The following SLC12A6 variants were observed in gnomAD, a reference collection of about 807,000 sequenced individuals.
SLC12A6 encodes K-Cl cotransporter 3.
A neutral mutation model predicts 135.3 loss-of-function variants in SLC12A6; 66 were observed. The ratio of observed to expected loss-of-function variants is 0.49; its 90% CI spans 0.40 to 0.60. The LOEUF (loss-of-function observed/expected upper bound fraction) is 0.60, where lower values mean the gene tolerates loss of function less well. Among genes scored for constraint, SLC12A6 ranks in the 20% least tolerant of loss-of-function variants. The probability of loss-of-function intolerance (pLI) is 0.00; values close to 1 mark genes in which losing one functional copy is unlikely to be tolerated. For missense variants in SLC12A6, 1,058 were observed against 1,452.3 expected, an observed-to-expected ratio of 0.73 and a Z score of 4.41; for synonymous variants, 513 against 508.8, an observed-to-expected ratio of 1.01 and a Z score of -0.11.
intron 2 of SLC12A6, among the ~76,000 whole-genome samples, chr15:34,305,360 G>A (rs536563708): frequency 5.3e-5 from 8 of 150,506 alleles, no homozygotes; most frequent in Non-Finnish European, 8.9e-5. Context: ...GTCCTGAATC[G>A]ATCCAATAGG....
At chr15:34,295,156 AT>A (rs1473501739) in intron 2 of SLC12A6, among the ~76,000 whole-genome samples, 1 of 152,188 alleles carries the variant, frequency 6.6e-6, no homozygotes. Flanking sequence ...TACTATCATG[AT>A]TGTTCCATTT....
intron 13 of SLC12A6, among the ~76,000 whole-genome samples, chr15:34,248,606 A>G (rs1378460591): frequency 6.6e-6 from 1 of 151,882 alleles, no homozygotes; most frequent in African/African-American, 2.4e-5. Flanking sequence ...ACTGTGTTAT[A>G]TACATATATA....
At chr15:34,242,752 C>T (rs1481028153) in intron 16 of SLC12A6, among the ~76,000 whole-genome samples, 1 of 152,018 alleles carries the variant, frequency 6.6e-6, no homozygotes, top group East Asian at 1.9e-4. Flanking sequence ...ATTTTTGGGC[C>T]GGATGCGGTG....
chr15:34,328,045 TG>T (rs1272745494), intron 2 of SLC12A6, among the ~76,000 whole-genome samples: 2 of 152,102 alleles, frequency 1.3e-5, no homozygotes, highest in Non-Finnish European at 2.9e-5. Flanking sequence ...AAGCTGCCAT[TG>T]GTTAAATTAG....
At chr15:34,319,290 C>T (rs1016320734) in intron 2 of SLC12A6, among the ~76,000 whole-genome samples, 2 of 151,502 alleles carry the variant, frequency 1.3e-5, no homozygotes, top group African/African-American at 4.9e-5. Context: ...CATGTGCCAC[C>T]ATGCCCAGCT....
At chr15:34,313,702 T>C (rs1888423042) in intron 2 of SLC12A6, among the ~76,000 whole-genome samples, 1 of 152,058 alleles carries the variant, frequency 6.6e-6, no homozygotes, top group African/African-American at 2.4e-5. Flanking sequence ...GACAAGACAA[T>C]GCCTCGCTTC....
intron 2 of SLC12A6, among the ~76,000 whole-genome samples, chr15:34,328,987 C>T (rs980411336): frequency 6.6e-6 from 1 of 152,204 alleles, no homozygotes; most frequent in Non-Finnish European, 1.5e-5. Context: ...ACTTGTAAAA[C>T]TTATAAAACT....
At chr15:34,246,006 C>A in intron 13 of SLC12A6, 139 bp from the exon 14 acceptor site, 1 of 734,244 alleles carries the variant, frequency 1.4e-6, no homozygotes, top group Non-Finnish European at 2.4e-6. Flanking sequence ...GATCTTGGCT[C>A]ACTCCAAACT....
At chr15:34,280,141 AATTTCCT>A (rs1443885255) in intron 2 of SLC12A6, among the ~76,000 whole-genome samples, 1 of 152,168 alleles carries the variant, frequency 6.6e-6, no homozygotes, top group Non-Finnish European at 1.5e-5. Flanking sequence ...TTTTGAACAA[AATTTCCT>A]TTGAGAATCA....
chr15:34,329,144 C>T (rs1300707125), intron 2 of SLC12A6, among the ~76,000 whole-genome samples: 2 of 152,192 alleles, frequency 1.3e-5, no homozygotes, highest in Non-Finnish European at 2.9e-5. Flanking sequence ...ACAACAAGCT[C>T]ACCAGCTACA....
chr15:34,238,562 A>T lies in SLC12A6; in HGVS notation c.2633-161T>A, dbSNP rs1891433781. 4.4e-6 allele frequency: 3 copies of T among 676,322 alleles called. No homozygotes were observed. The South Asian group carries it at 5.0e-5, about 11-fold the overall frequency. The allele number at this position is 676,322 out of a possible 1,614,324, so 41.9% of individuals were successfully genotyped here. A position where few individuals can be genotyped will look rare whatever the true frequency, so the allele number is the denominator to read the frequency against. ...TTACGTATCAAAAACCATTGTGAAAAATCTGAATAGCTAACAGACTGAGAA... is the reference window on the plus strand; with the variant it reads ...TTACGTATCAAAAACCATTGTGAAATATCTGAATAGCTAACAGACTGAGAA... On this transcript the variant is annotated intron_variant, in intron 20 of 25. Transcript: ENST00000354181.
At chr15:34,253,169 A>G (rs1214008127) in intron 9 of SLC12A6, among the ~76,000 whole-genome samples, 1 of 152,258 alleles carries the variant, frequency 6.6e-6, no homozygotes, top group African/African-American at 2.4e-5. Flanking sequence ...TTGCAAAATG[A>G]TTGAATACAT....
intron 2 of SLC12A6, among the ~76,000 whole-genome samples, chr15:34,313,160 T>C (rs1324325853): frequency 6.6e-6 from 1 of 152,224 alleles, no homozygotes; most frequent in East Asian, 1.9e-4. Flanking sequence ...ATGATTAAGC[T>C]CAGTGAGAAA....
chr15:34,241,410 T>C, intron 17 of SLC12A6, 73 bp from the exon 18 acceptor site: 1 of 816,538 alleles, frequency 1.2e-6, no homozygotes, highest in Non-Finnish European at 2.1e-6. Context: ...AAAGTTTTTT[T>C]CTGAATCTAA....
rs1392795819 is a variant in SLC12A6 at position 34,231,619 on chromosome 15, TC to T, written c.*2261del. 31 of 149,174 alleles carry T rather than the reference TC, an allele frequency of 2.1e-4. No individual in the cohort carries two copies. Among genetic ancestry groups the T allele is most frequent in the African/African-American group, 7.6e-4 (31 of 40,772 alleles). The allele number at this position is 149,174 out of a possible 1,614,324, so 9.2% of individuals were successfully genotyped here. On this transcript the variant is annotated 3_prime_UTR_variant, in exon 26 of 26. Transcript: ENST00000354181. ...TTTTTTTTTTTTTTGAGATGGAGTC[TC>T]CCTCTGTCGCCCAGGCTGGAGTGCA...
chr15:34,330,778 G>A (rs1396203356), intron 2 of SLC12A6, among the ~76,000 whole-genome samples: 1 of 152,148 alleles, frequency 6.6e-6, no homozygotes. Context: ...GAATGCTGAG[G>A]TAAAACATGG....
At chr15:34,331,054 T>C (rs1486869342) in intron 2 of SLC12A6, among the ~76,000 whole-genome samples, 2 of 151,956 alleles carry the variant, frequency 1.3e-5, no homozygotes, top group African/African-American at 2.4e-5. Flanking sequence ...AAAATAATAA[T>C]AACAATAATA....
Position 34,252,363 on chromosome 15 carries a change from GCGGT to G in SLC12A6, c.1136_1139del (p.Asn379ThrfsTer20). Reference sequence around the variant, plus strand: ...CGTCAATGTGTCTTGATGAAAGGGTGCGGTTACCCAGCATGCAGACCCTAAGTGA... The same window carrying G: ...CGTCAATGTGTCTTGATGAAAGGGTGTACCCAGCATGCAGACCCTAAGTGA... On this transcript the variant is annotated frameshift_variant, in exon 10 of 26. Coordinates refer to ENST00000354181, the MANE Select transcript of SLC12A6 (RefSeq NM_001365088.1). LOFTEE classifies it high-confidence loss of function. 1 of 1,610,444 alleles carries G rather than the reference GCGGT, an allele frequency of 6.2e-7. No individual in the cohort carries two copies. Among genetic ancestry groups the G allele is most frequent in the Non-Finnish European group, 8.5e-7 (1 of 1,176,974 alleles).
rs961865464 is a variant in SLC12A6 at position 34,243,992 on chromosome 15, C to A, written c.2024G>T (p.Arg675Leu). Residue 675 changes from arginine to leucine, a missense_variant, in exon 16 of 26, where the codon CGA becomes CTA. Physicochemically the swap from Arg to Leu is moderately radical, Grantham distance 102 (BLOSUM62 -2). Coordinates refer to ENST00000354181, the MANE Select transcript of SLC12A6 (RefSeq NM_001365088.1). The part of the protein sequence containing the change: ...TLLRTPNWRP[R>L]FRYYHWALSF... ...GACTTACCAATGGTAGTAGCGGAAT[C>A]GGGGTCTCCAGTTGGGTGTTCGAAG... is the stretch of plus-strand genomic sequence containing the variant. The A allele has an allele frequency of 6.3e-7, 1 of 1,594,320 alleles. No homozygotes were observed. Among genetic ancestry groups the A allele is most frequent in the African/African-American group, 1.3e-5 (1 of 74,540 alleles).
Sources: gnomAD v4.1 joint callset for allele counts (sites outside exome capture counted in the v4.1 genomes callset) on GRCh38, gnomAD v4.1.1 for gene constraint, MANE v1.5 for transcripts, NCBI Gene and HGNC (gene_info 2026-07-23, HGNC 2026-07-21) for gene names.